Variants in CELSR2 observed in about 807,000 individuals in gnomAD.
CELSR2 encodes cadherin EGF LAG seven-pass G-type receptor 2.
In CELSR2, 81 loss-of-function variants were observed where a neutral mutation model predicts 251.6. The observed-to-expected ratio is 0.32, with a 90% CI of 0.27 to 0.39. The LOEUF (loss-of-function observed/expected upper bound fraction) is 0.39, where lower values mean the gene tolerates loss of function less well. Among genes scored for constraint, CELSR2 ranks in the 10% least tolerant of loss-of-function variants. The pLI, the probability that CELSR2 is intolerant of heterozygous loss-of-function variation, is 1.00. For synonymous variants in CELSR2, 1,721 were observed against 1,670.5 expected, an observed-to-expected ratio of 1.03 and a Z score of -0.74; for missense variants, 3,365 against 3,947.7, an observed-to-expected ratio of 0.85 and a Z score of 3.96.
chr1:109,250,018 C>T lies in CELSR2; in HGVS notation c.-62C>T. 1.6e-6 allele frequency: 2 copies of T among 1,250,384 alleles called. No homozygotes were observed. The highest frequency in any genetic ancestry group is 3.4e-5 in the South Asian group (1 of 29,692). 77.5% of individuals were successfully genotyped at this position (1,250,384 alleles called of 1,614,324 possible). Reference sequence around the variant, plus strand: ...CGGGCATGAGGCGCGGCGGGGCCGGCAGGAGCCGGAGGAGGAGCCGCCGCC... The same window carrying T: ...CGGGCATGAGGCGCGGCGGGGCCGGTAGGAGCCGGAGGAGGAGCCGCCGCC... On this transcript the variant is annotated 5_prime_UTR_variant, in exon 1 of 34. Transcript: ENST00000271332. The surrounding 1 kb of genome is among the most constrained non-coding windows in gnomAD (Gnocchi z 4.4).
intron 8 of CELSR2, 150 bp downstream of exon 8, chr1:109,263,417 G>T: frequency 7.2e-7 from 1 of 1,392,226 alleles, no homozygotes; most frequent in Non-Finnish European, 9.6e-7. Context: ...GGGCAACACA[G>T]GAGACAAAGG....
chr1:109,271,540 A>G, intron 27 of CELSR2, 28 bp downstream of exon 27: 1 of 1,614,120 alleles, frequency 6.2e-7, no homozygotes, highest in Non-Finnish European at 8.5e-7. Flanking sequence ...TGGAGAAGGG[A>G]GGCACCTGGG....
At position 109,271,455 on chromosome 1, in the gene CELSR2, T is replaced by C; in HGVS notation, c.7746T>C (p.Ser2582=). The C allele has an allele frequency of 6.2e-7, 1 of 1,614,098 alleles. No individual in the cohort carries two copies. The highest frequency in any genetic ancestry group is 8.5e-7 in the Non-Finnish European group (1 of 1,180,024). Residue 2582 remains serine (S), a synonymous_variant, in exon 27 of 34, where the codon TCT becomes TCC. Coordinates refer to ENST00000271332, the MANE Select transcript of CELSR2 (RefSeq NM_001408.3). The part of the protein sequence containing the change: ...LSATWLLALL[S]VNSDTLLFHY... ...CCACGTGGCTGCTGGCACTGCTCTC[T>C]GTCAACAGCGACACCCTCCTCTTCC...
Position 109,265,773 on chromosome 1 carries a change from C to T in CELSR2, c.5766C>T (p.Leu1922=). ...GGCCCCCAGGCAGCCCCACCTGCCT[C>T]TTGTGTGACTGCTACCCCACAGGCT... The part of the protein sequence containing the change: ...HYRPPGSPTC[L]LCDCYPTGSL... Residue 1922 remains leucine, a synonymous_variant, in exon 14 of 34, where the codon CTC becomes CTT. Transcript: ENST00000271332. 6.2e-7 allele frequency: 1 copy of T among 1,613,798 alleles called. No homozygotes were observed. Among genetic ancestry groups the T allele is most frequent in the Non-Finnish European group, 8.5e-7 (1 of 1,179,754 alleles).
intron 29 of CELSR2, 95 bp from the exon 30 acceptor site, chr1:109,272,545 C>A: frequency 6.7e-7 from 1 of 1,485,824 alleles, no homozygotes; most frequent in Non-Finnish European, 9.3e-7. Context: ...CTGTAAGGGA[C>A]CCACAGCAGG....
chr1:109,267,484 A>G lies in CELSR2; in HGVS notation c.6014-64A>G, dbSNP rs1656232804. 1.3e-5 allele frequency: 19 copies of G among 1,482,162 alleles called. No individual in the cohort carries two copies. In the South Asian group the frequency reaches 2.2e-4, roughly 17 times the overall value. 91.8% of individuals were successfully genotyped at this position (1,482,162 alleles called of 1,614,324 possible). A position where few individuals can be genotyped will look rare whatever the true frequency, so the allele number is the denominator to read the frequency against. ...GTGCTGGCCTCCAGCAGAACCTCTC[A>G]GCCAGTCTCAGGGGCTTCCTGTGTG... is the stretch of plus-strand genomic sequence containing the variant. On this transcript the variant is annotated intron_variant, in intron 15 of 33. Coordinates refer to ENST00000271332, the MANE Select transcript of CELSR2 (RefSeq NM_001408.3).
intron 13 of CELSR2, among the ~76,000 whole-genome samples, 167 bp downstream of exon 13, chr1:109,265,478 C>T (rs1656160241): frequency 6.6e-6 from 1 of 152,174 alleles, no homozygotes; most frequent in Admixed American, 6.5e-5. Flanking sequence ...GTGTCTGAGG[C>T]GCAGGGGGAC....
chr1:109,262,322 A>T lies in CELSR2; in HGVS notation c.4422A>T (p.Pro1474=), dbSNP rs1206928060. The change falls in exon 6 of 34, where the codon CCA becomes CCT. Residue 1474 remains proline, a synonymous_variant. Transcript: ENST00000271332. ...GTCAGACAGGGCTCCCACAGGGCCC[A>T]TCAGAGCAGAAGGTGGCTGTGGTGA... is the stretch of plus-strand genomic sequence containing the variant. The part of the protein sequence containing the change: ...LLGQTGLPQG[P]SEQKVAVVTV... 1 of 1,614,160 alleles carries T rather than the reference A, an allele frequency of 6.2e-7. No individual in the cohort carries two copies. The highest frequency in any genetic ancestry group is 8.5e-7 in the Non-Finnish European group (1 of 1,180,038).
At chr1:109,258,020 C>T (rs1056022320) in intron 1 of CELSR2, among the ~76,000 whole-genome samples, 6 of 151,944 alleles carry the variant, frequency 3.9e-5, no homozygotes, top group Non-Finnish European at 8.8e-5. Context: ...GCCATGGTTG[C>T]GATTATCGTG....
At position 109,273,678 on chromosome 1, in the gene CELSR2, T is replaced by TG; in HGVS notation, c.8744+10dup. ...GGACTCGTCAGGCTCCGAGTGAGTG[T>TG]GGCCGGGTGGGCGGGACGGGGTGCA... is the stretch of plus-strand genomic sequence containing the variant. On this transcript the variant is annotated intron_variant, in intron 33 of 33. Coordinates refer to ENST00000271332, the MANE Select transcript of CELSR2 (RefSeq NM_001408.3). 1.9e-6 allele frequency: 1 copy of TG among 518,518 alleles called. No homozygotes were observed. The highest frequency in any genetic ancestry group is 3.3e-6 in the Non-Finnish European group (1 of 301,152). 32.1% of individuals were successfully genotyped at this position (518,518 alleles called of 1,614,324 possible).
Position 109,261,060 on chromosome 1 carries a change from G to A in CELSR2, c.3977G>A (p.Ser1326Asn). Residue 1326 changes from serine (S) to asparagine (N), a missense_variant, in exon 3 of 34, where the codon AGT becomes AAT. By Grantham distance (46) the Ser-to-Asn change is conservative (BLOSUM62 1). Around this residue, in one of 5 missense-constraint regions of CELSR2, gnomAD observed 2,093 missense variants for 2,382.8 expected, o/e 0.88. Coordinates refer to ENST00000271332, the MANE Select transcript of CELSR2 (RefSeq NM_001408.3). This position sits in a 1 kb window ranked among gnomAD's most constrained non-coding sequence, Gnocchi z 4.8. ...DGYTGEHCEV[S>N]ARSGRCTPGV... ...TGTCCAGGTGAGCACTGTGAGGTGA[G>A]TGCTCGCTCAGGCCGTTGCACCCCG... 1 of 1,613,014 alleles carries A rather than the reference G, an allele frequency of 6.2e-7. No homozygotes were observed. Among genetic ancestry groups the A allele is most frequent in the Non-Finnish European group, 8.5e-7 (1 of 1,179,370 alleles).
At chr1:109,267,818 C>T (rs769745725) in intron 16 of CELSR2, 33 bp from the exon 17 acceptor site, 3 of 1,588,892 alleles carry the variant, frequency 1.9e-6, no homozygotes, top group East Asian at 2.3e-5. Context: ...AGTTCCTGCC[C>T]TCACTCCTGC....
chr1:109,263,980 A>G, intron 9 of CELSR2, 98 bp from the exon 10 acceptor site: 4 of 1,461,444 alleles, frequency 2.7e-6, no homozygotes, highest in Non-Finnish European at 1.8e-6. Context: ...TCAGCTGGGC[A>G]GCGGGATGGG....
chr1:109,267,926 G>T lies in CELSR2; in HGVS notation c.6184G>T (p.Ala2062Ser). ...GCAGCTAGCCCTGCTCCTGCGCAAC[G>T]CCACGCAGCACACAGCTGGCTACTT... ...SQQLALLLRN[A>S]TQHTAGYFGS... Residue 2062 changes from alanine to serine, a missense_variant, in exon 17 of 34, where the codon GCC becomes TCC. By Grantham distance (99) the Ala-to-Ser change is moderately conservative. Coordinates refer to ENST00000271332, the MANE Select transcript of CELSR2 (RefSeq NM_001408.3). The T allele has an allele frequency of 6.2e-7, 1 of 1,611,572 alleles. No individual in the cohort carries two copies. Among genetic ancestry groups the T allele is most frequent in the Middle Eastern group, 1.7e-4 (1 of 5,932 alleles).
At chr1:109,270,363 C>A in intron 23 of CELSR2, 63 bp from the exon 24 acceptor site, 1 of 1,573,818 alleles carries the variant, frequency 6.4e-7, no homozygotes, top group South Asian at 1.1e-5. Context: ...ATGCCTGACC[C>A]GAAGCAGAGC....
chr1:109,256,453 A>G (rs1458373549), intron 1 of CELSR2, among the ~76,000 whole-genome samples: 1 of 152,198 alleles, frequency 6.6e-6, no homozygotes, highest in East Asian at 1.9e-4. Flanking sequence ...GTCTGCTTTC[A>G]GCCTTCCCGG....
At position 109,261,367 on chromosome 1, in the gene CELSR2, C is replaced by G. The variant is rs527912932; in HGVS notation, c.4181+103C>G. On this transcript the variant is annotated intron_variant, in intron 3 of 33. Coordinates refer to ENST00000271332, the MANE Select transcript of CELSR2 (RefSeq NM_001408.3). This position sits in a 1 kb window ranked among gnomAD's most constrained non-coding sequence, Gnocchi z 4.8. Reference sequence around the variant, plus strand: ...GAGGTCAGGCAGTGAAAGCGTGGAGCAGGCTGCCGGCAGAGCCAGGTCTGC... The same window carrying G: ...GAGGTCAGGCAGTGAAAGCGTGGAGGAGGCTGCCGGCAGAGCCAGGTCTGC... 2 of 1,386,794 alleles carry G rather than the reference C, an allele frequency of 1.4e-6. No homozygotes were observed. Among genetic ancestry groups the G allele is most frequent in the Admixed American group, 3.5e-5 (2 of 56,948 alleles). 85.9% of individuals were successfully genotyped at this position (1,386,794 alleles called of 1,614,324 possible).
intron 8 of CELSR2, 64 bp from the exon 9 acceptor site, chr1:109,263,547 C>G (rs1656088957): frequency 1.3e-6 from 2 of 1,579,738 alleles, no homozygotes; most frequent in South Asian, 2.3e-5. Flanking sequence ...CACCGCTGAG[C>G]ATCACAGCCC....
rs776110586 is a variant in CELSR2, at chr1:109,259,019, C to T, written c.3898C>T (p.His1300Tyr). 2.5e-6 allele frequency: 4 copies of T among 1,601,758 alleles called. No individual in the cohort carries two copies. The highest frequency in any genetic ancestry group is 1.3e-5 in the African/African-American group (1 of 74,984). The change falls in exon 2 of 34, where the codon CAC becomes TAC. Residue 1300 changes from histidine (H) to tyrosine (Y), a missense_variant. By Grantham distance (83) the His-to-Tyr change is moderately conservative (BLOSUM62 2). Coordinates refer to ENST00000271332, the MANE Select transcript of CELSR2 (RefSeq NM_001408.3). ...CTGCTACTCGCGGCCCTGTGGCCCCCACGGGCGCTGCCGCAGCCGCGAGGG... is the reference window on the plus strand; with the variant it reads ...CTGCTACTCGCGGCCCTGTGGCCCCTACGGGCGCTGCCGCAGCCGCGAGGG... Reference protein sequence around the residue: ...DLCYSRPCGPHGRCRSREGGY... With the variant: ...DLCYSRPCGPYGRCRSREGGY...
Sources: gnomAD v4.1 joint callset for allele counts (sites outside exome capture counted in the v4.1 genomes callset) on GRCh38, gnomAD v4.1.1 for gene constraint, gnomAD v4.1.1 regional missense constraint, Gnocchi (gnomAD v3.1) non-coding constraint, MANE v1.5 for transcripts, NCBI Gene and HGNC (gene_info 2026-07-23, HGNC 2026-07-21) for gene names.